The following MGAT4C variants were observed in gnomAD, a reference collection of about 807,000 sequenced individuals.
MGAT4C encodes the protein MGAT4 family member C.
MGAT4C carries 19 observed loss-of-function variants against 40.1 expected under a neutral mutation model. The observed-to-expected ratio is 0.47, with a 90% CI of 0.33 to 0.70. The LOEUF is 0.70. MGAT4C is among the 30% of genes least tolerant of loss of function. The pLI is 0.02. For synonymous variants in MGAT4C, 181 were observed against 187.1 expected (o/e 0.97, Z 0.27); for missense variants, 491 against 563.2 (o/e 0.87, Z 1.30).
intron 2 of MGAT4C, among the ~76,000 whole-genome samples, chr12:86,606,910 T>A (rs1344512946): frequency 6.6e-6 from 1 of 152,138 alleles, no homozygotes; most frequent in East Asian, 1.9e-4. Flanking sequence ...AATTTACCTA[T>A]TGGTATTTAG....
rs530417249 is a variant in MGAT4C at position 86,588,538 on chromosome 12, C to T, written c.-229+138671G>A. 3.0e-3 allele frequency among the ~76,000 whole-genome samples: 454 copies of T among 152,040 alleles called. 2 individuals carry two copies. Among genetic ancestry groups the T allele is most frequent in the African/African-American group, 0.01 (432 of 41,476 alleles). ...GGACACCCAGGAATTGAACTCAGCT[C>T]GGCACCAAGTGGACCTAATAGACAT... On this transcript the variant is annotated intron_variant, in intron 2 of 7. Transcript: ENST00000548651.
chr12:86,411,860 C>T (rs75971505), intron 3 of MGAT4C, among the ~76,000 whole-genome samples: 2,082 of 152,228 alleles, frequency 0.014, 40 homozygotes, highest in African/African-American at 0.048. Flanking sequence ...AGGCCAGACT[C>T]AGGGCCTCAC....
chr12:86,003,882 T>A (rs1030927097), intron 2 of MGAT4C, among the ~76,000 whole-genome samples: 1 of 152,172 alleles, frequency 6.6e-6, no homozygotes, highest in Non-Finnish European at 1.5e-5. Flanking sequence ...CATTTTACCT[T>A]TTAAGTAATC....
chr12:86,224,932 A>G (rs1566175868), intron 1 of MGAT4C, among the ~76,000 whole-genome samples: 1 of 152,150 alleles, frequency 6.6e-6, no homozygotes, highest in Non-Finnish European at 1.5e-5. Context: ...AGGAAATAGT[A>G]AAGATCAGAG....
At chr12:86,454,354 A>G (rs867487808) in intron 2 of MGAT4C, among the ~76,000 whole-genome samples, 5 of 152,080 alleles carry the variant, frequency 3.3e-5, no homozygotes, top group Non-Finnish European at 7.4e-5. Flanking sequence ...CAGCCTTTCA[A>G]GTAGCTGGAA....
intron 3 of MGAT4C, among the ~76,000 whole-genome samples, chr12:86,380,126 T>C (rs1231969752): frequency 1.3e-5 from 2 of 152,134 alleles, no homozygotes; most frequent in Non-Finnish European, 1.5e-5. Flanking sequence ...TTGACTAATG[T>C]GCTGTAACAC....
intron 4 of MGAT4C, among the ~76,000 whole-genome samples, chr12:86,302,649 G>A (rs1953844149): frequency 6.6e-6 from 1 of 150,424 alleles, no homozygotes; most frequent in Non-Finnish European, 1.5e-5. Flanking sequence ...GGCTGGTCTC[G>A]AATTCCTGAT....
intron 3 of MGAT4C, among the ~76,000 whole-genome samples, chr12:86,371,273 C>G (rs1196005687): frequency 6.6e-6 from 1 of 151,994 alleles, no homozygotes; most frequent in Non-Finnish European, 1.5e-5. Flanking sequence ...TCATTTCTCT[C>G]AAATTCTGCT....
chr12:86,359,221 AG>A (rs1422854249), intron 3 of MGAT4C, among the ~76,000 whole-genome samples: 1 of 152,210 alleles, frequency 6.6e-6, no homozygotes, highest in African/African-American at 2.4e-5. Flanking sequence ...CTGCTCCTGA[AG>A]GACTACTGGG....
intron 2 of MGAT4C, among the ~76,000 whole-genome samples, chr12:86,609,975 C>T (rs914077019): frequency 6.6e-6 from 1 of 152,132 alleles, no homozygotes; most frequent in Non-Finnish European, 1.5e-5. Context: ...GTTGTCAAGA[C>T]TTATTATTCT....
chr12:86,047,021 T>C (rs893113880), intron 2 of MGAT4C, among the ~76,000 whole-genome samples: 2 of 152,202 alleles, frequency 1.3e-5, no homozygotes, highest in African/African-American at 4.8e-5. Flanking sequence ...AGGAAATAAA[T>C]ATTTTAAAAT....
At chr12:86,588,816 G>T (rs1455417607) in intron 2 of MGAT4C, among the ~76,000 whole-genome samples, 1 of 151,762 alleles carries the variant, frequency 6.6e-6, no homozygotes, top group South Asian at 2.1e-4. Flanking sequence ...GGTACATAAC[G>T]AAATGAAGGC....
At chr12:86,414,427 T>C (rs191495079) in intron 3 of MGAT4C, among the ~76,000 whole-genome samples, 1 of 152,288 alleles carries the variant, frequency 6.6e-6, no homozygotes, top group Non-Finnish European at 1.5e-5. Context: ...AAGTTAATCC[T>C]ATTCTCATAA....
chr12:86,781,610 A>C (rs1475811925), intron 1 of MGAT4C, among the ~76,000 whole-genome samples: 2 of 152,142 alleles, frequency 1.3e-5, no homozygotes, highest in Non-Finnish European at 2.9e-5. Flanking sequence ...TGGACAAGGC[A>C]CTTTTCTAGA....
chr12:86,097,358 G>A (rs1359670961), intron 1 of MGAT4C, among the ~76,000 whole-genome samples: 1 of 151,584 alleles, frequency 6.6e-6, no homozygotes, highest in African/African-American at 2.4e-5. Flanking sequence ...TGCCAGAAAG[G>A]CACCACATTG....
chr12:86,119,042 C>T (rs1357732815), intron 1 of MGAT4C, among the ~76,000 whole-genome samples: 2 of 151,860 alleles, frequency 1.3e-5, no homozygotes, highest in African/African-American at 2.4e-5. Context: ...ATTAAAAAAT[C>T]ACATTAACAG....
Position 86,789,658 on chromosome 12 carries a change from C to A in MGAT4C, c.-262+49008G>T, listed in dbSNP as rs985720150. On this transcript the variant is annotated intron_variant, in intron 1 of 7. Transcript: ENST00000548651. ...TTCTCCTTGACTGAATTGAATGGTA[C>A]TCGTTCCTGTAATAATCGAGATGAC... Among the ~76,000 whole-genome samples, 4 of 152,042 alleles carry A rather than the reference C, an allele frequency of 2.6e-5. No individual in the cohort carries two copies. The South Asian group carries it at 8.3e-4, about 32-fold the overall frequency.
At chr12:86,671,165 T>C (rs555613980) in intron 2 of MGAT4C, among the ~76,000 whole-genome samples, 24 of 152,328 alleles carry the variant, frequency 1.6e-4, no homozygotes, top group South Asian at 1.0e-3. Flanking sequence ...TTTTCTGAAA[T>C]AGGCGATTCT....
intron 2 of MGAT4C, among the ~76,000 whole-genome samples, chr12:86,561,353 G>T (rs112398411): frequency 6.6e-6 from 1 of 152,296 alleles, no homozygotes; most frequent in African/African-American, 2.4e-5. Flanking sequence ...TGCCAAAGGA[G>T]ATTAAAATAG....
Sources: gnomAD v4.1 joint callset for allele counts (sites outside exome capture counted in the v4.1 genomes callset) on GRCh38, gnomAD v4.1.1 for gene constraint, MANE v1.5 for transcripts, NCBI Gene and HGNC (gene_info 2026-07-23, HGNC 2026-07-21) for gene names.